The following PRKG1 variants were observed in gnomAD, a reference collection of about 807,000 sequenced individuals.
PRKG1 encodes the protein protein kinase cGMP-dependent 1.
PRKG1 carries 35 observed loss-of-function variants against 88.1 expected under a neutral mutation model. That is an observed-to-expected ratio of 0.40 (90% confidence interval 0.30 to 0.53). PRKG1 has a LOEUF of 0.53. Among genes scored for constraint, PRKG1 ranks in the 20% least tolerant of loss-of-function variants. The pLI, the probability that PRKG1 is intolerant of heterozygous loss-of-function variation, is 0.59. For missense variants in PRKG1, 540 were observed against 839.8 expected, an observed-to-expected ratio of 0.64 and a Z score of 4.41; for synonymous variants, 303 against 292.5, an observed-to-expected ratio of 1.04 and a Z score of -0.37.
intron 5 of PRKG1, among the ~76,000 whole-genome samples, chr10:52,033,002 A>T (rs1027860620): frequency 2.0e-5 from 3 of 152,070 alleles, no homozygotes; most frequent in Non-Finnish European, 2.9e-5. Flanking sequence ...ACTTTGTTAA[A>T]TTTTTTTATA....
chr10:51,594,412 A>G (rs1337153879), intron 3 of PRKG1, among the ~76,000 whole-genome samples: 2 of 152,192 alleles, frequency 1.3e-5, no homozygotes, highest in African/African-American at 4.8e-5. Flanking sequence ...GAAACAGTTG[A>G]ATATACATAA....
At chr10:51,378,271 A>G (rs900385604) in intron 2 of PRKG1, among the ~76,000 whole-genome samples, 1 of 152,184 alleles carries the variant, frequency 6.6e-6, no homozygotes, top group Non-Finnish European at 1.5e-5. Context: ...CTAAGCTTCT[A>G]TTTTTATGCC....
At chr10:51,529,201 A>G (rs1449423170) in intron 3 of PRKG1, among the ~76,000 whole-genome samples, 4 of 151,996 alleles carry the variant, frequency 2.6e-5, no homozygotes, top group African/African-American at 9.7e-5. Context: ...TTCAAAATCT[A>G]TCCCAAATCC....
At chr10:51,081,957 G>A (rs1478052497) in intron 1 of PRKG1, among the ~76,000 whole-genome samples, 2 of 152,130 alleles carry the variant, frequency 1.3e-5, no homozygotes, top group Non-Finnish European at 2.9e-5. Flanking sequence ...CAGGGTCTCA[G>A]TTGCACAGGC....
intron 4 of PRKG1, among the ~76,000 whole-genome samples, chr10:51,853,344 T>G (rs1389168524): frequency 6.6e-6 from 1 of 152,180 alleles, no homozygotes; most frequent in Non-Finnish European, 1.5e-5. Flanking sequence ...TACAAAGACA[T>G]ATCCAAATCC....
At chr10:51,101,925 A>T (rs558627396) in intron 1 of PRKG1, among the ~76,000 whole-genome samples, 1 of 152,320 alleles carries the variant, frequency 6.6e-6, no homozygotes, top group South Asian at 2.1e-4. Context: ...AAGACCTCAG[A>T]TCCCCTCCCT....
intron 2 of PRKG1, among the ~76,000 whole-genome samples, chr10:51,207,053 A>G (rs1034940916): frequency 6.6e-6 from 1 of 152,166 alleles, no homozygotes; most frequent in African/African-American, 2.4e-5. Flanking sequence ...TTTTATGAAG[A>G]ACTTACTATT....
intron 7 of PRKG1, among the ~76,000 whole-genome samples, chr10:52,076,454 G>A (rs1459796665): frequency 6.6e-6 from 1 of 152,202 alleles, no homozygotes; most frequent in Non-Finnish European, 1.5e-5. Context: ...CTGCTCAGGA[G>A]GCTGAGGCAG....
intron 9 of PRKG1, among the ~76,000 whole-genome samples, chr10:52,187,406 G>GT (rs1171316464): frequency 2.0e-5 from 3 of 151,196 alleles, no homozygotes; most frequent in South Asian, 2.1e-4. Flanking sequence ...GAGATTTTAG[G>GT]TAAAAAAAAA....
intron 2 of PRKG1, among the ~76,000 whole-genome samples, chr10:51,233,246 A>T (rs1838893702): frequency 6.6e-6 from 1 of 152,198 alleles, no homozygotes; most frequent in Non-Finnish European, 1.5e-5. Flanking sequence ...TATTCACATA[A>T]TAACCATCTG....
chr10:52,002,830 T>G (rs1214269935), intron 5 of PRKG1, among the ~76,000 whole-genome samples: 1 of 152,190 alleles, frequency 6.6e-6, no homozygotes, highest in Admixed American at 6.5e-5. Context: ...TCTTGACATA[T>G]ATGGTTACAG....
chr10:52,240,886 CAT>C (rs568800129), intron 9 of PRKG1, among the ~76,000 whole-genome samples: 74 of 152,218 alleles, frequency 4.9e-4, no homozygotes, highest in Middle Eastern at 3.4e-3. Context: ...TTGTCACGTA[CAT>C]ATCAAATAAA....
chr10:51,457,390 C>T (rs989270725), intron 2 of PRKG1, among the ~76,000 whole-genome samples: 34 of 152,032 alleles, frequency 2.2e-4, no homozygotes, highest in African/African-American at 8.2e-4. Flanking sequence ...GACACAAAGA[C>T]ATAAGAATGA....
intron 8 of PRKG1, among the ~76,000 whole-genome samples, chr10:52,145,220 TTTG>T (rs1385860231): frequency 3.9e-5 from 6 of 152,212 alleles, no homozygotes; most frequent in Non-Finnish European, 7.3e-5. Context: ...CAGTTATTGT[TTTG>T]TTTTGCACCA....
At chr10:51,051,011 G>A (rs1237253517) in intron 1 of PRKG1, among the ~76,000 whole-genome samples, 1 of 150,564 alleles carries the variant, frequency 6.6e-6, no homozygotes, top group African/African-American at 2.4e-5. Flanking sequence ...TTTGTTTTTT[G>A]TTTTTTTGCT....
chr10:51,487,476 A>G (rs1280776059), intron 3 of PRKG1, among the ~76,000 whole-genome samples: 1 of 152,178 alleles, frequency 6.6e-6, no homozygotes, highest in African/African-American at 2.4e-5. Flanking sequence ...GACAAGATTA[A>G]AAAACTCAGT....
chr10:51,705,476 A>G (rs146944140), intron 3 of PRKG1, among the ~76,000 whole-genome samples: 5 of 152,322 alleles, frequency 3.3e-5, no homozygotes, highest in African/African-American at 9.6e-5. Context: ...GGGTTCCCAC[A>G]TTTAGTCTTG....
At chr10:51,832,887 G>C (rs1484809431) in intron 4 of PRKG1, among the ~76,000 whole-genome samples, 2 of 152,092 alleles carry the variant, frequency 1.3e-5, no homozygotes, top group Non-Finnish European at 2.9e-5. Flanking sequence ...CAGAGGAATA[G>C]GTGAAAAGTC....
intron 2 of PRKG1, among the ~76,000 whole-genome samples, chr10:51,200,598 C>T (rs1837888921): frequency 3.9e-5 from 6 of 152,160 alleles, no homozygotes; most frequent in Admixed American, 3.9e-4. Context: ...TATATACCCC[C>T]ATTATCTCTG....
Sources: allele counts gnomAD v4.1 joint callset (sites outside exome capture counted in the v4.1 genomes callset), GRCh38; gene constraint gnomAD v4.1.1; transcripts MANE v1.5; gene names NCBI Gene and HGNC (gene_info 2026-07-23, HGNC 2026-07-21).